RBFOX1: variants seen among roughly 807,000 people sequenced by gnomAD.
RBFOX1 encodes the protein RNA binding fox-1 homolog 1.
RBFOX1 carries 8 observed loss-of-function variants against 57.7 expected under a neutral mutation model. The ratio of observed to expected loss-of-function variants is 0.14; its 90% CI spans 0.08 to 0.25. The LOEUF is 0.25. RBFOX1 is among the 10% of genes least tolerant of loss of function. The probability of loss-of-function intolerance (pLI) is 1.00; values close to 1 mark genes in which losing one functional copy is unlikely to be tolerated. For missense variants in RBFOX1, 611 were observed against 548.5 expected (o/e 1.11, Z -1.14); for synonymous variants, 326 against 222.4 (o/e 1.47, Z -4.15).
At chr16:7,140,191 T>TCTCTCTCTCTCC (rs1246403050) in intron 4 of RBFOX1, among the ~76,000 whole-genome samples, 1 of 136,010 alleles carries the variant, frequency 7.4e-6, no homozygotes, top group African/African-American at 2.8e-5. Flanking sequence ...TCTCTCTCTC[T>TCTCTCTCTCTCC]CTCCCTCCTT....
At chr16:7,566,443 A>G (rs2091705550) in intron 5 of RBFOX1, among the ~76,000 whole-genome samples, 1 of 152,138 alleles carries the variant, frequency 6.6e-6, no homozygotes, top group African/African-American at 2.4e-5. Context: ...TTTCACCTTG[A>G]CCTTGAAAGG....
chr16:6,719,621 T>C (rs1399287366), intron 3 of RBFOX1, among the ~76,000 whole-genome samples: 1 of 151,542 alleles, frequency 6.6e-6, no homozygotes, highest in Non-Finnish European at 1.5e-5. Flanking sequence ...TTTTTTTTTG[T>C]ATTTTTAGTA....
rs879420601 is a variant in RBFOX1, at chr16:7,125,694, CT to C, written c.27+73607del. Among the ~76,000 whole-genome samples, 344 of 146,724 alleles carry C rather than the reference CT, an allele frequency of 2.3e-3. 1 individual carries two copies. The highest frequency in any genetic ancestry group is 6.7e-3 in the East Asian group (34 of 5,060). ...GAGTTATTTGCTCTAAAATTTAACA[CT>C]TTTTTTTTTTAGACAGATGCCTAAA... is the stretch of plus-strand genomic sequence containing the variant. On this transcript the variant is annotated intron_variant, in intron 4 of 15. Transcript: ENST00000550418.
chr16:6,435,176 A>G (rs1213047058), intron 2 of RBFOX1, among the ~76,000 whole-genome samples: 9 of 152,056 alleles, frequency 5.9e-5, no homozygotes, highest in Non-Finnish European at 1.2e-4. Context: ...GCATGTTACC[A>G]CTGAAGGATC....
chr16:6,341,695 T>G lies in RBFOX1; in HGVS notation c.-64+24638T>G, dbSNP rs142683712. 1.1e-3 allele frequency among the ~76,000 whole-genome samples: 169 copies of G among 152,302 alleles called. 2 individuals are homozygous for G. In the East Asian group the frequency reaches 0.025, roughly 22 times the overall value. ...AAACAAGCATTGTACATAGGGTGGC[T>G]GGTTTCCTCCTCTTACATTATGAAT... On this transcript the variant is annotated intron_variant, in intron 2 of 15. Transcript: ENST00000550418.
chr16:6,721,861 A>AC (rs957706244), intron 3 of RBFOX1: 2 of 143,146 alleles, frequency 1.4e-5, no homozygotes, highest in African/African-American at 2.6e-5. Context: ...ATTAGTAAGC[A>AC]CCCCCCACCA....
At position 5,389,192 on chromosome 16, in the gene RBFOX1, A is replaced by AAAATAAAT. The variant is rs34759657; in HGVS notation, c.220-78008_220-78001dup. 2.9e-3 allele frequency among the ~76,000 whole-genome samples: 442 copies of AAAATAAAT among 150,136 alleles called. 4 individuals are homozygous for AAAATAAAT. The highest frequency in any genetic ancestry group is 8.9e-3 in the African/African-American group (365 of 40,834). On this transcript the variant is annotated intron_variant, in intron 1 of 2. Transcript: ENST00000585867. ...GGCGACAGAGCGAGACTCCGTCTCA[A>AAAATAAAT]AAATAAATAAATAAATAAATAAAGG...
intron 3 of RBFOX1, among the ~76,000 whole-genome samples, chr16:5,674,493 T>C (rs143847350): frequency 5.3e-5 from 8 of 152,230 alleles, no homozygotes; most frequent in African/African-American, 1.7e-4. Flanking sequence ...ATGGGACTCT[T>C]CTCTCACATA....
intron 1 of RBFOX1, among the ~76,000 whole-genome samples, chr16:6,174,018 C>T (rs747853037): frequency 2.0e-5 from 3 of 152,256 alleles, no homozygotes; most frequent in Admixed American, 6.5e-5. Context: ...CCCAAATTCT[C>T]AACTCTGTAG....
chr16:6,936,150 T>A (rs1156667838), intron 3 of RBFOX1, among the ~76,000 whole-genome samples: 2 of 152,212 alleles, frequency 1.3e-5, no homozygotes, highest in African/African-American at 4.8e-5. Context: ...GATGCTGGTC[T>A]TAATTTGGTG....
In RBFOX1 at chr16:6,758,398, G is replaced by A. The variant is rs556847858; in HGVS notation, c.-16+103748G>A. 1.2e-4 allele frequency among the ~76,000 whole-genome samples: 19 copies of A among 152,232 alleles called. No homozygotes were observed. The Middle Eastern group carries it at 0.01, about 82-fold the overall frequency. On this transcript the variant is annotated intron_variant, in intron 3 of 15. Coordinates refer to ENST00000550418, the MANE Select transcript of RBFOX1 (RefSeq NM_018723.4). ...TGTTCAAGAGATTAACCAGACCAAA[G>A]CTATTTGTCATAGCAACGGGTGCTA... is the stretch of plus-strand genomic sequence containing the variant.
At chr16:7,008,237 A>G (rs1253798743) in intron 3 of RBFOX1, among the ~76,000 whole-genome samples, 2 of 152,154 alleles carry the variant, frequency 1.3e-5, no homozygotes, top group African/African-American at 2.4e-5. Flanking sequence ...TGAATAGCTT[A>G]AAGTATTAGA....
intron 2 of RBFOX1, among the ~76,000 whole-genome samples, chr16:6,633,744 C>T (rs1044118488): frequency 3.9e-5 from 6 of 152,146 alleles, no homozygotes; most frequent in African/African-American, 1.2e-4. Flanking sequence ...CGCTGTAGCT[C>T]ATGCCTGTAA....
chr16:6,795,726 A>T (rs753824158), intron 3 of RBFOX1, among the ~76,000 whole-genome samples: 2 of 151,836 alleles, frequency 1.3e-5, no homozygotes, highest in Non-Finnish European at 2.9e-5. Context: ...ATGTTGCACC[A>T]CTGCACTCTA....
intron 3 of RBFOX1, among the ~76,000 whole-genome samples, chr16:6,880,711 T>A (rs537338052): frequency 5.3e-5 from 8 of 152,330 alleles, no homozygotes; most frequent in African/African-American, 1.7e-4. Flanking sequence ...CAGAGTCAGT[T>A]TGACTTCTTG....
At chr16:6,771,542 C>A (rs1040161904) in intron 3 of RBFOX1, among the ~76,000 whole-genome samples, 7 of 152,142 alleles carry the variant, frequency 4.6e-5, no homozygotes, top group African/African-American at 1.4e-4. Context: ...CACTTCTGCT[C>A]AAGTCTACCT....
At chr16:7,166,448 G>T (rs1490719784) in intron 4 of RBFOX1, among the ~76,000 whole-genome samples, 1 of 152,144 alleles carries the variant, frequency 6.6e-6, no homozygotes, top group South Asian at 2.1e-4. Flanking sequence ...ATGTGATTCA[G>T]AGGGGAGGGG....
At chr16:6,959,691 C>T (rs1047198883) in intron 3 of RBFOX1, among the ~76,000 whole-genome samples, 2 of 152,068 alleles carry the variant, frequency 1.3e-5, no homozygotes, top group African/African-American at 4.8e-5. Flanking sequence ...AATCTCTAAA[C>T]TTGGGGAGGC....
chr16:5,688,065 C>T (rs1197348304), intron 3 of RBFOX1, among the ~76,000 whole-genome samples: 1 of 152,168 alleles, frequency 6.6e-6, no homozygotes, highest in East Asian at 1.9e-4. Flanking sequence ...GTCAAGCTCC[C>T]CAGCTGACCT....
Sources: gnomAD v4.1 joint callset for allele counts (sites outside exome capture counted in the v4.1 genomes callset) on GRCh38, gnomAD v4.1.1 for gene constraint, MANE v1.5 for transcripts, NCBI Gene and HGNC (gene_info 2026-07-23, HGNC 2026-07-21) for gene names.